Variants in PMM2 observed in about 807,000 individuals in gnomAD.
PMM2 encodes mannose-6-phosphate isomerase.
Under a neutral mutation model 33.2 loss-of-function variants are expected in PMM2, and 35 were observed. The observed-to-expected ratio is 1.06, with a 90% CI of 0.81 to 1.40. The LOEUF (loss-of-function observed/expected upper bound fraction) is 1.40. PMM2 is among the 40% of genes most tolerant of loss of function. PMM2 has a pLI of 0.00. For missense variants in PMM2, 386 were observed against 306.0 expected (o/e 1.26, Z -1.95); for synonymous variants, 153 against 114.7 (o/e 1.33, Z -2.13).
intron 4 of PMM2, chr16:8,806,634 G>A (rs1231957363): frequency 8.7e-6 from 5 of 574,830 alleles, no homozygotes; most frequent in South Asian, 2.0e-5. Flanking sequence ...GTTCACAGCA[G>A]GGTTCAGTAG....
intron 7 of PMM2, among the ~76,000 whole-genome samples, chr16:8,830,428 T>C (rs976804926): frequency 6.6e-6 from 1 of 152,102 alleles, no homozygotes; most frequent in Non-Finnish European, 1.5e-5. Flanking sequence ...CTCCAAGAAT[T>C]TGGGGATTTG....
intron 5 of PMM2, among the ~76,000 whole-genome samples, 189 bp from the exon 6 acceptor site, chr16:8,811,449 G>T (rs928523038): frequency 6.6e-6 from 1 of 152,226 alleles, no homozygotes; most frequent in African/African-American, 2.4e-5. Context: ...GTGCCTGGGA[G>T]GTTGAAGCTG....
chr16:8,802,489 T>C (rs568530676), intron 2 of PMM2: 175 of 323,484 alleles, frequency 5.4e-4, no homozygotes, highest in Admixed American at 9.8e-4. Context: ...AGCAGGAGTA[T>C]GGGTTATTCA....
At chr16:8,824,144 T>C (rs951509471) in intron 7 of PMM2, among the ~76,000 whole-genome samples, 1 of 152,170 alleles carries the variant, frequency 6.6e-6, no homozygotes, top group African/African-American at 2.4e-5. Flanking sequence ...AAGTTGTAAA[T>C]AGCTCAAAAG....
At chr16:8,811,577 T>G (rs2060677778) in intron 5 of PMM2, 61 bp from the exon 6 acceptor site, 1 of 1,077,326 alleles carries the variant, frequency 9.3e-7, no homozygotes, top group Non-Finnish European at 1.4e-6. Flanking sequence ...GGCCAGTAGT[T>G]AAAACTGTGC....
rs2060919222 is a variant in PMM2 at position 8,845,471 on chromosome 16, A to G, written c.640-2253A>G. On this transcript the variant is annotated intron_variant, in intron 7 of 7. Coordinates refer to ENST00000268261, the MANE Select transcript of PMM2 (RefSeq NM_000303.3). ...AGAGGCCTGACAGTAGGTGTTCTAG[A>G]AAGGTGTGTTGTGTTAATGTGTGAA... Among the ~76,000 whole-genome samples the G allele has an allele frequency of 2.6e-5, 4 of 152,114 alleles. No homozygotes were observed. In the South Asian group the frequency reaches 8.3e-4, roughly 32 times the overall value.
intron 7 of PMM2, among the ~76,000 whole-genome samples, chr16:8,846,273 A>G (rs1456784297): frequency 4.6e-5 from 7 of 152,192 alleles, no homozygotes; most frequent in African/African-American, 1.7e-4. Context: ...TAATTCTTTT[A>G]AAGGATGTCA....
chr16:8,839,326 G>C (rs1004506001), intron 7 of PMM2, among the ~76,000 whole-genome samples: 4 of 151,984 alleles, frequency 2.6e-5, no homozygotes, highest in African/African-American at 9.7e-5. Context: ...GGCAAAACTG[G>C]AGATGTAAAG....
intron 7 of PMM2, among the ~76,000 whole-genome samples, chr16:8,838,645 C>G (rs2060868460): frequency 6.6e-6 from 1 of 151,834 alleles, no homozygotes; most frequent in African/African-American, 2.4e-5. Context: ...TGGTGATGGT[C>G]TGGATACAGT....
At chr16:8,803,807 C>T (rs776239636) in intron 2 of PMM2, among the ~76,000 whole-genome samples, 1 of 151,606 alleles carries the variant, frequency 6.6e-6, no homozygotes. Flanking sequence ...CCTCAGCCTC[C>T]GAAGTAGCTG....
chr16:8,825,028 G>C (rs2060758862), intron 7 of PMM2, among the ~76,000 whole-genome samples: 1 of 152,114 alleles, frequency 6.6e-6, no homozygotes, highest in South Asian at 2.1e-4. Context: ...GCTAAAGCTA[G>C]TTTTGTTTTT....
At chr16:8,799,997 A>G (rs1237247881) in intron 1 of PMM2, among the ~76,000 whole-genome samples, 6 of 152,366 alleles carry the variant, frequency 3.9e-5, no homozygotes, top group East Asian at 3.9e-4. Context: ...AAGAAAAATC[A>G]TTGAACTCCA....
In PMM2 at chr16:8,798,441, A is replaced by G. The variant is rs924102578; in HGVS notation, c.66+493A>G. Among the ~76,000 whole-genome samples, 5 of 152,142 alleles carry G rather than the reference A, an allele frequency of 3.3e-5. 1 individual carries two copies. The highest frequency in any genetic ancestry group is 4.1e-4 in the South Asian group (2 of 4,830). On this transcript the variant is annotated intron_variant, in intron 1 of 7. Coordinates refer to ENST00000268261, the MANE Select transcript of PMM2 (RefSeq NM_000303.3). Reference sequence around the variant, plus strand: ...TTAACCTCTCTGAGCCTCAACATCTACAGCTTTAAATGGGGATGTTACCTG... The same window carrying G: ...TTAACCTCTCTGAGCCTCAACATCTGCAGCTTTAAATGGGGATGTTACCTG...
At chr16:8,846,521 A>T (rs2060926430) in intron 7 of PMM2, among the ~76,000 whole-genome samples, 1 of 152,150 alleles carries the variant, frequency 6.6e-6, no homozygotes, top group African/African-American at 2.4e-5. Flanking sequence ...CTGATTCATT[A>T]ACGTGAGCCC....
intron 7 of PMM2, among the ~76,000 whole-genome samples, chr16:8,838,297 A>AT (rs1487312221): frequency 2.0e-5 from 3 of 152,076 alleles, no homozygotes; most frequent in Non-Finnish European, 4.4e-5. Flanking sequence ...AGCTAAGGCT[A>AT]TTTTTACTTC....
chr16:8,804,038 T>TTTTTTTG (rs1555449113), intron 2 of PMM2, among the ~76,000 whole-genome samples: 1,409 of 43,324 alleles, frequency 0.033, 21 homozygotes, highest in African/African-American at 0.05. Context: ...TTTGTTTTTT[T>TTTTTTTG]TTTTTTTTTT....
rs200930493 is a variant in PMM2, at chr16:8,847,835, G to A, written c.*10G>A. 297 of 1,596,962 alleles carry A rather than the reference G, an allele frequency of 1.9e-4. 1 individual carries two copies. The Middle Eastern group carries it at 7.3e-3, about 39-fold the overall frequency. ...ACTGCTGTTCTCCTAACGTGGGAGC[G>A]GGAGGGGCGGGGTCCCGGCTGACAA... On this transcript the variant is annotated 3_prime_UTR_variant, in exon 8 of 8. Transcript: ENST00000268261.
intron 7 of PMM2, among the ~76,000 whole-genome samples, chr16:8,821,889 A>G (rs1567163079): frequency 6.6e-6 from 1 of 152,250 alleles, no homozygotes; most frequent in Admixed American, 6.5e-5. Flanking sequence ...GACTCTAGCC[A>G]GGGAGAGCCA....
At chr16:8,813,236 G>T in intron 7 of PMM2, 130 bp downstream of exon 7, 1 of 734,444 alleles carries the variant, frequency 1.4e-6, no homozygotes, top group South Asian at 1.4e-5. Context: ...AGTGGCTTCT[G>T]TCCTGGAGAG....
Sources: gnomAD v4.1 joint callset for allele counts (sites outside exome capture counted in the v4.1 genomes callset) on GRCh38, gnomAD v4.1.1 for gene constraint, MANE v1.5 for transcripts, NCBI Gene and HGNC (gene_info 2026-07-23, HGNC 2026-07-21) for gene names.